The following PPME1 variants were observed in gnomAD, a reference collection of about 807,000 sequenced individuals.
PPME1 encodes protein phosphatase methylesterase 1.
Under a neutral mutation model 56.9 loss-of-function variants are expected in PPME1, and 17 were observed. The observed-to-expected ratio is 0.30, with a 90% confidence interval of 0.20 to 0.45. PPME1 has a LOEUF of 0.45. Ranked by LOEUF, PPME1 falls within the 20% of genes least tolerant of loss-of-function variation. PPME1 has a pLI of 1.00. For missense variants in PPME1, 357 were observed against 483.2 expected (o/e 0.74, Z 2.45); for synonymous variants, 122 against 156.2 (o/e 0.78, Z 1.63).
At chr11:74,173,698 C>T (rs942246181) in intron 1 of PPME1, among the ~76,000 whole-genome samples, 2 of 152,078 alleles carry the variant, frequency 1.3e-5, no homozygotes, top group Admixed American at 6.5e-5. Flanking sequence ...TGCACCACCA[C>T]GCCCGGCTAA....
Position 74,222,309 on chromosome 11 carries a change from T to G in PPME1, c.289-3T>G. ...TCTTAACTACTTTTCCTTTTTCTCC[T>G]AGGCAGCGATTATTAGTAGAGTTCA... On this transcript the variant is annotated splice_region_variant and splice_polypyrimidine_tract_variant and intron_variant, in intron 3 of 13. Transcript: ENST00000328257. The G allele has an allele frequency of 6.2e-7, 1 of 1,608,360 alleles. No homozygotes were observed. The highest frequency in any genetic ancestry group is 8.5e-7 in the Non-Finnish European group (1 of 1,174,942).
At chr11:74,205,493 C>T (rs76970567) in intron 3 of PPME1, 1 of 152,214 alleles carries the variant, frequency 6.6e-6, no homozygotes, top group Non-Finnish European at 1.5e-5. Flanking sequence ...AAAATGAGAG[C>T]AAGTGGGAAT....
chr11:74,192,247 A>T (rs1477594120), intron 1 of PPME1, among the ~76,000 whole-genome samples: 1 of 152,210 alleles, frequency 6.6e-6, no homozygotes, highest in African/African-American at 2.4e-5. Flanking sequence ...TCAGACTTTC[A>T]TAGGGCTTGT....
At position 74,194,499 on chromosome 11, in the gene PPME1, T is replaced by C. The variant is rs1287383348; in HGVS notation, c.102-9229T>C. 5.3e-5 allele frequency among the ~76,000 whole-genome samples: 8 copies of C among 151,994 alleles called. No homozygotes were observed. In the East Asian group the frequency reaches 1.5e-3, roughly 29 times the overall value. On this transcript the variant is annotated intron_variant, in intron 1 of 13. Transcript: ENST00000328257. ...TGGGTCTTCCCTGTTCCTTACTTTCTTGCCAGCTCATCTATGCGTTTAAGA... is the reference window on the plus strand; with the variant it reads ...TGGGTCTTCCCTGTTCCTTACTTTCCTGCCAGCTCATCTATGCGTTTAAGA...
intron 8 of PPME1, among the ~76,000 whole-genome samples, chr11:74,237,059 T>G (rs1197417746): frequency 6.7e-6 from 1 of 149,566 alleles, no homozygotes; most frequent in African/African-American, 2.4e-5. Flanking sequence ...TTGCAATTTA[T>G]TTCTTGAGGA....
chr11:74,235,985 C>A lies in PPME1; in HGVS notation c.710+19C>A. On this transcript the variant is annotated intron_variant, in intron 8 of 13. Transcript: ENST00000328257. ...TCAAACAGTAGGTCTTACTCTTCCCCCTTGGTCTGGTTAGAGGCGGAAACA... is the reference window on the plus strand; with the variant it reads ...TCAAACAGTAGGTCTTACTCTTCCCACTTGGTCTGGTTAGAGGCGGAAACA... The A allele has an allele frequency of 1.2e-6, 2 of 1,609,716 alleles. No individual in the cohort carries two copies. The highest frequency in any genetic ancestry group is 2.7e-5 in the African/African-American group (2 of 74,972).
At chr11:74,229,481 A>T (rs1172163255) in intron 5 of PPME1, among the ~76,000 whole-genome samples, 2 of 152,222 alleles carry the variant, frequency 1.3e-5, no homozygotes, top group Non-Finnish European at 2.9e-5. Context: ...AAGCTTTAAA[A>T]TTAGACTTTG....
intron 3 of PPME1, among the ~76,000 whole-genome samples, chr11:74,215,785 T>C (rs891838843): frequency 6.6e-6 from 1 of 152,100 alleles, no homozygotes; most frequent in East Asian, 1.9e-4. Flanking sequence ...TAAAGACACA[T>C]ATAGACTGAA....
chr11:74,178,398 A>T (rs1857450955), intron 1 of PPME1, among the ~76,000 whole-genome samples: 1 of 152,200 alleles, frequency 6.6e-6, no homozygotes, highest in Non-Finnish European at 1.5e-5. Flanking sequence ...ATTAACTATG[A>T]CTGGTTTAGA....
chr11:74,203,685 A>T, intron 1 of PPME1, 43 bp from the exon 2 acceptor site: 1 of 1,464,868 alleles, frequency 6.8e-7, no homozygotes, highest in Non-Finnish European at 9.5e-7. Flanking sequence ...TTATCTCTTT[A>T]TGCATAATTT....
Position 74,251,809 on chromosome 11 carries a change from T to TG in PPME1, c.1142+95dup, listed in dbSNP as rs748037495. On this transcript the variant is annotated intron_variant, in intron 13 of 13. Transcript: ENST00000328257. ...ACTGTAAATATCTCTGCCTTACCCC[T>TG]GCCTGGTTTGGTCACCATGCCTTTC... 11 of 1,507,268 alleles carry TG rather than the reference T, an allele frequency of 7.3e-6. No homozygotes were observed. In the East Asian group the frequency reaches 2.5e-4, roughly 34 times the overall value. The allele number at this position is 1,507,268 out of a possible 1,614,324, so 93.4% of individuals were successfully genotyped here.
chr11:74,236,153 C>T (rs1859185261), intron 8 of PPME1, among the ~76,000 whole-genome samples, 187 bp downstream of exon 8: 1 of 152,154 alleles, frequency 6.6e-6, no homozygotes, highest in South Asian at 2.1e-4. Flanking sequence ...CCTTTCTCTC[C>T]TTCCTTTCCT....
intron 3 of PPME1, among the ~76,000 whole-genome samples, chr11:74,218,724 A>G (rs765719306): frequency 6.6e-6 from 1 of 152,198 alleles, no homozygotes; most frequent in Non-Finnish European, 1.5e-5. Flanking sequence ...CTAAACCCCT[A>G]TCTCTTGCCA....
intron 3 of PPME1, among the ~76,000 whole-genome samples, chr11:74,215,097 G>A (rs1340644869): frequency 5.9e-5 from 9 of 152,060 alleles, no homozygotes; most frequent in Non-Finnish European, 8.8e-5. Context: ...CTGTAATCCC[G>A]CACTTTGGGA....
At chr11:74,251,449 G>A in intron 12 of PPME1, 199 bp from the exon 13 acceptor site, 2 of 1,421,826 alleles carry the variant, frequency 1.4e-6, no homozygotes, top group East Asian at 2.5e-5. Flanking sequence ...GCTCTATGGA[G>A]CTATCCCTGG....
chr11:74,239,395 C>G, intron 9 of PPME1, 139 bp downstream of exon 9: 1 of 1,338,808 alleles, frequency 7.5e-7, no homozygotes, highest in Non-Finnish European at 9.9e-7. Flanking sequence ...ATAAGAGATA[C>G]TTAGCTTAAC....
At chr11:74,252,237 T>C (rs1219110247) in intron 13 of PPME1, among the ~76,000 whole-genome samples, 1 of 148,832 alleles carries the variant, frequency 6.7e-6, no homozygotes, top group Non-Finnish European at 1.5e-5. Flanking sequence ...CCGGCTAATT[T>C]TGTTTTTTTT....
At chr11:74,217,282 C>G (rs970008248) in intron 3 of PPME1, among the ~76,000 whole-genome samples, 1 of 152,114 alleles carries the variant, frequency 6.6e-6, no homozygotes, top group Non-Finnish European at 1.5e-5. Flanking sequence ...TGGCTCGTGC[C>G]TGTAATCCCA....
At chr11:74,186,111 A>G (rs142114461) in intron 1 of PPME1, among the ~76,000 whole-genome samples, 1 of 152,304 alleles carries the variant, frequency 6.6e-6, no homozygotes, top group East Asian at 1.9e-4. Context: ...CACATGGTAA[A>G]TCAGTATTTA....
Sources: allele counts gnomAD v4.1 joint callset (sites outside exome capture counted in the v4.1 genomes callset), GRCh38; gene constraint gnomAD v4.1.1; transcripts MANE v1.5; gene names NCBI Gene and HGNC (gene_info 2026-07-23, HGNC 2026-07-21).